The following DST variants were observed in gnomAD, a reference collection of about 807,000 sequenced individuals.
DST encodes the protein bullous pemphigoid antigen.
DST carries 253 observed loss-of-function variants against 875.2 expected under a neutral mutation model. The observed-to-expected ratio is 0.29, with a 90% CI of 0.26 to 0.32. DST has a LOEUF of 0.32. DST is among the 10% of genes least tolerant of loss of function. The probability of loss-of-function intolerance (pLI) is 1.00; values close to 1 mark genes in which losing one functional copy is unlikely to be tolerated. For synonymous variants in DST, 3,124 were observed against 3,197.1 expected, an observed-to-expected ratio of 0.98 and a Z score of 0.77; for missense variants, 8,287 against 9,111.6, an observed-to-expected ratio of 0.91 and a Z score of 3.68.
intron 2 of DST, among the ~76,000 whole-genome samples, chr6:56,914,813 T>C (rs1468595698): frequency 6.6e-6 from 1 of 152,134 alleles, no homozygotes; most frequent in Non-Finnish European, 1.5e-5. Flanking sequence ...GGCAAAACAC[T>C]GGGCAATATA....
chr6:56,810,665 C>A (rs974915770), intron 4 of DST, among the ~76,000 whole-genome samples: 1 of 151,854 alleles, frequency 6.6e-6, no homozygotes, highest in African/African-American at 2.4e-5. Context: ...ACACCCACCA[C>A]CCCTACCAAA....
At chr6:56,583,721 T>C (rs2098079262) in intron 49 of DST, among the ~76,000 whole-genome samples, 1 of 152,254 alleles carries the variant, frequency 6.6e-6, no homozygotes, top group African/African-American at 2.4e-5. Flanking sequence ...AGGGTTTTTA[T>C]GGTTTTAGGT....
chr6:56,741,605 C>T (rs1384186553), intron 4 of DST, among the ~76,000 whole-genome samples: 1 of 152,214 alleles, frequency 6.6e-6, no homozygotes, highest in Non-Finnish European at 1.5e-5. Context: ...AATCACACCA[C>T]TTTCCATACA....
At chr6:56,858,917 T>C (rs1181432202) in intron 3 of DST, among the ~76,000 whole-genome samples, 1 of 152,218 alleles carries the variant, frequency 6.6e-6, no homozygotes, top group Non-Finnish European at 1.5e-5. Flanking sequence ...ATTCTGTCAG[T>C]ACAAGGTGCA....
intron 91 of DST, among the ~76,000 whole-genome samples, chr6:56,477,140 C>T (rs2095232574): frequency 1.3e-5 from 2 of 152,268 alleles, no homozygotes; most frequent in East Asian, 3.9e-4. Flanking sequence ...TTTCCAGGGA[C>T]ATAGCTGCAA....
At chr6:56,516,125 G>A (rs1050996074) in intron 71 of DST, among the ~76,000 whole-genome samples, 70 of 79,170 alleles carry the variant, frequency 8.8e-4, no homozygotes, top group African/African-American at 2.8e-3. Flanking sequence ...TATAGAAAGA[G>A]AGAGAGGGAG....
At chr6:56,478,008 C>A (rs9396214) in intron 90 of DST, among the ~76,000 whole-genome samples, 40,371 of 151,886 alleles carry the variant, frequency 0.27, 5,553 homozygotes, top group Middle Eastern at 0.43. Flanking sequence ...TATCTGGATA[C>A]AGAGGGCCAA....
chr6:56,779,036 C>A (rs1027833940), intron 4 of DST, among the ~76,000 whole-genome samples: 5 of 152,226 alleles, frequency 3.3e-5, no homozygotes, highest in African/African-American at 1.2e-4. Flanking sequence ...CACATCCTCT[C>A]CAGCACCTGT....
intron 9 of DST, among the ~76,000 whole-genome samples, chr6:56,675,486 T>C (rs145140910): frequency 6.6e-6 from 1 of 152,304 alleles, no homozygotes; most frequent in African/African-American, 2.4e-5. Context: ...GGAGAAAATA[T>C]GTGCAAACCA....
chr6:56,603,177 A>C (rs1029671933), intron 42 of DST, 28 bp downstream of exon 42: 1 of 1,566,256 alleles, frequency 6.4e-7, no homozygotes, highest in Non-Finnish European at 8.7e-7. Flanking sequence ...TTTCTTCATA[A>C]ATCAAAATTT....
chr6:56,583,714 GT>G (rs2098079203), intron 49 of DST, among the ~76,000 whole-genome samples: 1 of 152,252 alleles, frequency 6.6e-6, no homozygotes, highest in Middle Eastern at 3.4e-3. Flanking sequence ...TTCTTCTAGG[GT>G]TTTTATGGTT....
chr6:56,787,859 C>T (rs1462193346), intron 4 of DST, among the ~76,000 whole-genome samples: 1 of 151,930 alleles, frequency 6.6e-6, no homozygotes, highest in Non-Finnish European at 1.5e-5. Context: ...GACTTTGAGG[C>T]TGGGTGTGGT....
chr6:56,661,871 A>T (rs1332517009), intron 10 of DST, among the ~76,000 whole-genome samples: 1 of 152,152 alleles, frequency 6.6e-6, no homozygotes. Context: ...TACAGGTGTG[A>T]GTCACCGCGC....
chr6:56,689,818 A>C (rs529175248), intron 9 of DST, among the ~76,000 whole-genome samples: 9 of 152,302 alleles, frequency 5.9e-5, no homozygotes, highest in African/African-American at 2.2e-4. Flanking sequence ...GATGAAAACA[A>C]CTATCTTTGC....
intron 10 of DST, among the ~76,000 whole-genome samples, chr6:56,666,214 A>T (rs1488316267): frequency 6.6e-6 from 1 of 152,144 alleles, no homozygotes; most frequent in Non-Finnish European, 1.5e-5. Context: ...CAAGAGTCAT[A>T]TTCTATATGG....
chr6:56,608,022 T>C lies in DST; in HGVS notation c.6606A>G (p.Leu2202=). 3 of 1,612,726 alleles carry C rather than the reference T, an allele frequency of 1.9e-6. No homozygotes were observed. Among genetic ancestry groups the C allele is most frequent in the Non-Finnish European group, 2.5e-6 (3 of 1,179,222 alleles). ...TATAGCTATTTATCATTAAATAAGA[T>C]AGAAATAATTTTTTAGTTTCTTCTG... ...QTSEETKKLF[L]SYLMINSYMD... Residue 2202 remains leucine (L), a synonymous_variant, in exon 40 of 104, where the codon CTA becomes CTG. Coordinates refer to ENST00000680361, the MANE Select transcript of DST (RefSeq NM_001374736.1).
At chr6:56,863,254 C>A (rs1183397154) in intron 3 of DST, 1 of 152,198 alleles carries the variant, frequency 6.6e-6, no homozygotes, top group Admixed American at 6.5e-5. Context: ...GGTGTATAAA[C>A]CATCTTGTTC....
chr6:56,757,053 T>C (rs2099605863), intron 4 of DST, among the ~76,000 whole-genome samples: 1 of 152,190 alleles, frequency 6.6e-6, no homozygotes, highest in South Asian at 2.1e-4. Context: ...TCAGACTATT[T>C]TCATTTTAAA....
intron 5 of DST, among the ~76,000 whole-genome samples, chr6:56,731,104 G>A (rs1439264829): frequency 6.6e-6 from 1 of 152,182 alleles, no homozygotes; most frequent in Non-Finnish European, 1.5e-5. Flanking sequence ...GGTGTGCAGG[G>A]CACCAGGATG....
Sources: allele counts gnomAD v4.1 joint callset (sites outside exome capture counted in the v4.1 genomes callset), GRCh38; gene constraint gnomAD v4.1.1; transcripts MANE v1.5; gene names NCBI Gene and HGNC (gene_info 2026-07-23, HGNC 2026-07-21).